Variants in GALNT13 observed in about 807,000 individuals in gnomAD.
GALNT13 encodes polypeptide N-acetylgalactosaminyltransferase 13.
GALNT13 carries 28 observed loss-of-function variants against 64.2 expected under a neutral mutation model. The observed-to-expected ratio is 0.44, with a 90% CI of 0.32 to 0.60. The LOEUF is 0.60. Among genes scored for constraint, GALNT13 ranks in the 20% least tolerant of loss-of-function variants. GALNT13 has a pLI of 0.05. For synonymous variants in GALNT13, 214 were observed against 224.6 expected, an observed-to-expected ratio of 0.95 and a Z score of 0.42; for missense variants, 577 against 669.8, an observed-to-expected ratio of 0.86 and a Z score of 1.53.
intron 3 of GALNT13, among the ~76,000 whole-genome samples, chr2:153,945,433 T>G (rs1183758538): frequency 6.6e-6 from 1 of 152,138 alleles, no homozygotes; most frequent in Non-Finnish European, 1.5e-5. Context: ...TCAAAATTAG[T>G]TTTATTCTCA....
At chr2:154,309,757 C>A (rs989006844) in intron 9 of GALNT13, among the ~76,000 whole-genome samples, 5 of 152,288 alleles carry the variant, frequency 3.3e-5, no homozygotes, top group African/African-American at 1.2e-4. Flanking sequence ...CAAACCTCAT[C>A]CAAACCACAG....
the GALNT13 span, among the ~76,000 whole-genome samples, chr2:153,506,201 T>C: frequency 1.3e-5 from 2 of 152,188 alleles, no homozygotes; most frequent in Admixed American, 1.3e-4. Flanking sequence ...GAATATCTTT[T>C]TCCACACCTT....
the GALNT13 span, among the ~76,000 whole-genome samples, chr2:153,402,978 C>T: frequency 3.3e-5 from 5 of 152,052 alleles, no homozygotes; most frequent in African/African-American, 4.8e-5. Context: ...TGAGGAACTG[C>T]GTTCCTTTGG....
the GALNT13 span, among the ~76,000 whole-genome samples, chr2:153,717,270 C>T: frequency 6.6e-6 from 1 of 152,102 alleles, no homozygotes. Flanking sequence ...AAAATAAAAG[C>T]GTGTATTAGC....
the GALNT13 span, among the ~76,000 whole-genome samples, chr2:153,711,484 C>A: frequency 1.3e-5 from 2 of 152,046 alleles, no homozygotes; most frequent in Non-Finnish European, 2.9e-5. Context: ...CCTAGAAGCA[C>A]CTATCATAAT....
At chr2:153,693,940 C>T in the GALNT13 span, among the ~76,000 whole-genome samples, 2 of 151,872 alleles carry the variant, frequency 1.3e-5, no homozygotes. Context: ...CCTGTCTGTA[C>T]TAAAATTACA....
At chr2:153,965,901 T>A (rs1693301364) in intron 3 of GALNT13, among the ~76,000 whole-genome samples, 1 of 149,956 alleles carries the variant, frequency 6.7e-6, no homozygotes, top group Non-Finnish European at 1.5e-5. Flanking sequence ...ATTATCGATC[T>A]CATAACAAAT....
chr2:154,359,229 C>G (rs1201509125), intron 9 of GALNT13, among the ~76,000 whole-genome samples: 1 of 152,010 alleles, frequency 6.6e-6, no homozygotes, highest in Non-Finnish European at 1.5e-5. Flanking sequence ...GTATCCTATT[C>G]AAGGTAGTCT....
At chr2:154,419,697 G>C (rs997379492) in intron 11 of GALNT13, among the ~76,000 whole-genome samples, 1 of 152,058 alleles carries the variant, frequency 6.6e-6, no homozygotes, top group African/African-American at 2.4e-5. Flanking sequence ...CTTCGTAAAA[G>C]TTCAGATATT....
the GALNT13 span, among the ~76,000 whole-genome samples, chr2:153,448,008 C>T: frequency 8.5e-5 from 13 of 152,218 alleles, no homozygotes; most frequent in East Asian, 2.3e-3. Flanking sequence ...TGAAAGTATC[C>T]ATTGAGTTAA....
At chr2:153,431,824 C>T in the GALNT13 span, among the ~76,000 whole-genome samples, 1 of 152,188 alleles carries the variant, frequency 6.6e-6, no homozygotes, top group African/African-American at 2.4e-5. Context: ...ATGTATAACA[C>T]CATTGCTTTC....
At chr2:153,448,994 G>A in the GALNT13 span, among the ~76,000 whole-genome samples, 1 of 151,992 alleles carries the variant, frequency 6.6e-6, no homozygotes, top group Non-Finnish European at 1.5e-5. Flanking sequence ...CTGTCTTTCT[G>A]TCTCTCTCTC....
At chr2:153,718,749 A>G in the GALNT13 span, among the ~76,000 whole-genome samples, 1 of 152,182 alleles carries the variant, frequency 6.6e-6, no homozygotes, top group African/African-American at 2.4e-5. Context: ...TTTCTCATCT[A>G]TGTGTTGTTA....
the GALNT13 span, chr2:153,446,972 C>T: frequency 2.6e-5 from 4 of 152,066 alleles, no homozygotes; most frequent in African/African-American, 7.2e-5. Flanking sequence ...ACGAATATTC[C>T]GTGAGACATT....
chr2:153,993,859 A>G (rs1695333982), intron 3 of GALNT13, among the ~76,000 whole-genome samples: 1 of 152,226 alleles, frequency 6.6e-6, no homozygotes, highest in Middle Eastern at 3.4e-3. Context: ...AAGTACTTAG[A>G]TCGTTTTTCT....
the GALNT13 span, among the ~76,000 whole-genome samples, chr2:153,240,477 C>T: frequency 6.6e-6 from 1 of 152,094 alleles, no homozygotes; most frequent in African/African-American, 2.4e-5. Context: ...AGCCCTGCCT[C>T]TGGTGATAGA....
At chr2:153,160,485 T>C in the GALNT13 span, among the ~76,000 whole-genome samples, 1 of 152,246 alleles carries the variant, frequency 6.6e-6, no homozygotes, top group Non-Finnish European at 1.5e-5. Flanking sequence ...ACTGGATATC[T>C]ATTTGTGATC....
At chr2:154,121,235 T>C (rs1175285614) in intron 3 of GALNT13, among the ~76,000 whole-genome samples, 1 of 152,168 alleles carries the variant, frequency 6.6e-6, no homozygotes, top group East Asian at 1.9e-4. Context: ...GTTATTGTGG[T>C]CTGTGGAAAG....
At chr2:153,413,415 G>T in the GALNT13 span, among the ~76,000 whole-genome samples, 24 of 152,264 alleles carry the variant, frequency 1.6e-4, no homozygotes, top group African/African-American at 5.8e-4. Flanking sequence ...TTGTACCCCA[G>T]TGCACTCATA....
Sources: allele counts gnomAD v4.1 joint callset (sites outside exome capture counted in the v4.1 genomes callset), GRCh38; gene constraint gnomAD v4.1.1; transcripts MANE v1.5; gene names NCBI Gene and HGNC (gene_info 2026-07-23, HGNC 2026-07-21).